Variants in CDH19 observed in about 807,000 individuals in gnomAD.
CDH19 encodes the protein cadherin-19.
In CDH19, 67 loss-of-function variants were observed where a neutral mutation model predicts 64.2. That is an observed-to-expected ratio of 1.04 (90% CI 0.86 to 1.28). CDH19 has a LOEUF of 1.28. Among genes scored for constraint, CDH19 ranks in the 50% most tolerant of loss-of-function variants. CDH19 has a pLI of 0.00. For synonymous variants in CDH19, 346 were observed against 319.3 expected (o/e 1.08, Z -0.89); for missense variants, 1,030 against 929.0 (o/e 1.11, Z -1.41).
intron 9 of CDH19, among the ~76,000 whole-genome samples, chr18:66,523,311 T>G (rs1986073055): frequency 6.6e-6 from 1 of 152,016 alleles, no homozygotes; most frequent in East Asian, 1.9e-4. Flanking sequence ...AGAGCAATCA[T>G]AAAGATGTAA....
chr18:66,546,180 T>C (rs112555831), intron 5 of CDH19, among the ~76,000 whole-genome samples: 235 of 152,218 alleles, frequency 1.5e-3, no homozygotes, highest in African/African-American at 5.5e-3. Context: ...TTTAGAAGCA[T>C]GGAGGAGGCA....
intron 7 of CDH19, among the ~76,000 whole-genome samples, chr18:66,542,555 T>A (rs1248233788): frequency 6.6e-5 from 10 of 152,184 alleles, no homozygotes; most frequent in Admixed American, 5.9e-4. Flanking sequence ...TAACAGACTA[T>A]TTTAATAGAT....
chr18:66,517,034 T>C (rs1985768814), intron 9 of CDH19, among the ~76,000 whole-genome samples: 1 of 152,056 alleles, frequency 6.6e-6, no homozygotes, highest in African/African-American at 2.4e-5. Context: ...AGGGAAGGCT[T>C]AGGAGCAAAT....
chr18:66,560,098 G>T (rs186363809), intron 3 of CDH19, among the ~76,000 whole-genome samples: 456 of 152,002 alleles, frequency 3.0e-3, no homozygotes, highest in Non-Finnish European at 4.8e-3. Context: ...GCAATGGCGT[G>T]GTCTCTGAAC....
chr18:66,577,735 TA>T (rs1282499657), intron 1 of CDH19, among the ~76,000 whole-genome samples: 1 of 151,934 alleles, frequency 6.6e-6, no homozygotes, highest in Non-Finnish European at 1.5e-5. Context: ...CTCAGTGTCT[TA>T]AAATGATACA....
chr18:66,599,412 C>A (rs912134703), intron 1 of CDH19, among the ~76,000 whole-genome samples: 3 of 151,820 alleles, frequency 2.0e-5, no homozygotes, highest in Admixed American at 6.6e-5. Context: ...TGGGGTGGGG[C>A]AGATGAGGAA....
intron 1 of CDH19, among the ~76,000 whole-genome samples, chr18:66,578,349 C>A (rs1378306470): frequency 6.6e-6 from 1 of 151,858 alleles, no homozygotes; most frequent in Non-Finnish European, 1.5e-5. Context: ...AAAGAGTTGA[C>A]ATGTAAAATA....
chr18:66,544,212 C>G lies in CDH19; in HGVS notation c.973G>C (p.Glu325Gln). ...CTAATACCGTAGTGGTTCTGGTGCTCAAAATCCACTTTCTGCAAAGAAACA... is the reference window on the plus strand; with the variant it reads ...CTAATACCGTAGTGGTTCTGGTGCTGAAAATCCACTTTCTGCAAAGAAACA... The part of the protein sequence containing the change: ...IVILKKKVDF[E>Q]HQNHYGIRAK... Residue 325 changes from glutamate (E) to glutamine (Q), a missense_variant, in exon 7 of 12, where the codon GAG (glutamate) becomes CAG (glutamine). By Grantham distance (29) the Glu-to-Gln change is conservative (BLOSUM62 2). Transcript: ENST00000262150. 2 of 1,612,266 alleles carry G rather than the reference C, an allele frequency of 1.2e-6. No homozygotes were observed. Among genetic ancestry groups the G allele is most frequent in the Non-Finnish European group, 1.7e-6 (2 of 1,179,176 alleles).
chr18:66,582,152 A>G (rs1988441676), intron 1 of CDH19, among the ~76,000 whole-genome samples: 2 of 152,148 alleles, frequency 1.3e-5, no homozygotes, highest in African/African-American at 4.8e-5. Flanking sequence ...CGTTTGGACC[A>G]TTCTTCAAAT....
chr18:66,576,058 T>C (rs1988257155), intron 1 of CDH19, among the ~76,000 whole-genome samples: 1 of 150,652 alleles, frequency 6.6e-6, no homozygotes, highest in African/African-American at 2.4e-5. Context: ...AATAACAGAG[T>C]TTACTACAGG....
chr18:66,589,716 C>A (rs1312698900), intron 1 of CDH19, among the ~76,000 whole-genome samples: 1 of 149,738 alleles, frequency 6.7e-6, no homozygotes, highest in East Asian at 2.0e-4. Context: ...AAACACAATC[C>A]TTCGTGAATG....
At chr18:66,596,412 T>G (rs1036054355) in intron 1 of CDH19, 1 of 152,122 alleles carries the variant, frequency 6.6e-6, no homozygotes, top group African/African-American at 2.4e-5. Flanking sequence ...CCTAGAAAAG[T>G]CTGCCCAGAG....
chr18:66,554,465 CATT>C lies in CDH19; in HGVS notation c.547_549del (p.Asn183del). 6.2e-7 allele frequency: 1 copy of C among 1,611,316 alleles called. No homozygotes were observed. ...TGAAGTAAGCTGTAGAGGAGACGAG[CATT>C]ATTACCACTTGAGGGATCGTCAGCA... On this transcript the variant is annotated inframe_deletion, in exon 4 of 12. Transcript: ENST00000262150.
intron 5 of CDH19, among the ~76,000 whole-genome samples, chr18:66,548,115 A>T (rs1987201067): frequency 6.8e-6 from 1 of 146,676 alleles, no homozygotes; most frequent in Admixed American, 6.9e-5. Flanking sequence ...ATATTATATA[A>T]AATATTATAT....
intron 9 of CDH19, among the ~76,000 whole-genome samples, chr18:66,522,947 T>C (rs1436501225): frequency 6.6e-6 from 1 of 151,788 alleles, no homozygotes; most frequent in African/African-American, 2.4e-5. Context: ...ATTGATACCT[T>C]TTCCTAAAAC....
intron 7 of CDH19, among the ~76,000 whole-genome samples, chr18:66,539,434 ATCT>A (rs1346238232): frequency 6.6e-6 from 1 of 152,060 alleles, no homozygotes; most frequent in Non-Finnish European, 1.5e-5. Context: ...CTGTTTAAGA[ATCT>A]TCTATTCATA....
chr18:66,539,354 A>G lies in CDH19; in HGVS notation c.1215-4247T>C, dbSNP rs1025670017. Among the ~76,000 whole-genome samples the G allele has an allele frequency of 3.9e-5, 6 of 152,130 alleles. No homozygotes were observed. The East Asian group carries it at 1.2e-3, about 29-fold the overall frequency. ...ACATTCCTACCTTGTTTCCAATCTT[A>G]GGAAAAAAGCACATAATATTCCATA... On this transcript the variant is annotated intron_variant, in intron 7 of 11. Transcript: ENST00000262150.
chr18:66,595,598 T>C (rs1356441845), intron 1 of CDH19, among the ~76,000 whole-genome samples: 2 of 138,104 alleles, frequency 1.4e-5, no homozygotes, highest in East Asian at 2.1e-4. Flanking sequence ...CCTGGAAACA[T>C]ACAACCACCC....
intron 1 of CDH19, among the ~76,000 whole-genome samples, chr18:66,587,777 C>T (rs946112711): frequency 1.2e-4 from 19 of 152,088 alleles, no homozygotes; most frequent in South Asian, 8.3e-4. Context: ...CTAACTTCCA[C>T]CTGATGTTTG....
Sources: gnomAD v4.1 joint callset for allele counts (sites outside exome capture counted in the v4.1 genomes callset) on GRCh38, gnomAD v4.1.1 for gene constraint, MANE v1.5 for transcripts, NCBI Gene and HGNC (gene_info 2026-07-23, HGNC 2026-07-21) for gene names.